KMT2C: variants seen among roughly 807,000 people sequenced by gnomAD.
KMT2C encodes histone-lysine N-methyltransferase 2C.
Under a neutral mutation model 507.9 loss-of-function variants are expected in KMT2C, and 88 were observed. That is an observed-to-expected ratio of 0.17 (90% confidence interval 0.15 to 0.21). KMT2C has a LOEUF of 0.21. Among genes scored for constraint, KMT2C ranks in the 10% least tolerant of loss-of-function variants. KMT2C has a pLI of 1.00. For missense variants in KMT2C, 4,954 were observed against 5,957.8 expected, an observed-to-expected ratio of 0.83 and a Z score of 5.55; for synonymous variants, 2,049 against 2,080.8, an observed-to-expected ratio of 0.98 and a Z score of 0.42.
intron 55 of KMT2C, among the ~76,000 whole-genome samples, chr7:152,141,547 T>TA (rs201057479): frequency 0.014 from 1,862 of 130,326 alleles, 31 homozygotes; most frequent in African/African-American, 0.045. Context: ...CATCTCTACT[T>TA]AAAAAAAAAA....
intron 2 of KMT2C, among the ~76,000 whole-genome samples, chr7:152,344,633 A>G (rs1307268111): frequency 6.6e-6 from 1 of 151,960 alleles, no homozygotes; most frequent in Non-Finnish European, 1.5e-5. Flanking sequence ...TCAAAAAAAA[A>G]AAGAGAGAAC....
Position 152,169,210 on chromosome 7 carries a change from G to A in KMT2C, c.9493C>T (p.Pro3165Ser). The A allele has an allele frequency of 6.2e-7, 1 of 1,601,860 alleles. No homozygotes were observed. The highest frequency in any genetic ancestry group is 2.2e-5 in the East Asian group (1 of 44,784). Residue 3165 changes from proline to serine, a missense_variant, in exon 41 of 59, where the codon CCA (proline) becomes TCA (serine). Physicochemically the swap from Pro to Ser is moderately conservative, Grantham distance 74. Coordinates refer to ENST00000262189, the MANE Select transcript of KMT2C (RefSeq NM_170606.3). ...ITHQISRPNP[P>S]NFGPGFVNDS... ...CTGACAAAGCCTGGACCAAAATTTG[G>A]AGGATTAGGCCTAGAAATCTGATGT...
intron 46 of KMT2C, 93 bp from the exon 47 acceptor site, chr7:152,154,538 A>G: frequency 9.5e-7 from 1 of 1,049,704 alleles, no homozygotes; most frequent in South Asian, 1.4e-5. Flanking sequence ...ATACAGCTGT[A>G]AGGATACTCT....
At chr7:152,429,448 C>T (rs1035043553) in intron 1 of KMT2C, among the ~76,000 whole-genome samples, 2 of 152,068 alleles carry the variant, frequency 1.3e-5, no homozygotes, top group Non-Finnish European at 1.5e-5. Context: ...TCAACTTGTG[C>T]TCTTAAGTCC....
chr7:152,283,126 G>A (rs971248689), intron 6 of KMT2C, among the ~76,000 whole-genome samples: 3 of 152,400 alleles, frequency 2.0e-5, no homozygotes, highest in Admixed American at 6.5e-5. Flanking sequence ...GCCAAAAGCA[G>A]AAAAGGGATA....
chr7:152,314,997 G>A, intron 4 of KMT2C, 141 bp downstream of exon 4: 4 of 672,318 alleles, frequency 5.9e-6, no homozygotes, highest in Non-Finnish European at 1.0e-5. Flanking sequence ...TTAATGGTGA[G>A]TCAGAGTATC....
chr7:152,145,109 C>T, intron 54 of KMT2C, 44 bp downstream of exon 54: 2 of 1,591,940 alleles, frequency 1.3e-6, no homozygotes, highest in Non-Finnish European at 1.7e-6. Context: ...CACTAATACG[C>T]CTAGAAACCC....
chr7:152,348,621 A>AAAAGAAAG (rs1203118324), intron 2 of KMT2C, among the ~76,000 whole-genome samples: 12 of 143,156 alleles, frequency 8.4e-5, no homozygotes, highest in African/African-American at 3.2e-4. Flanking sequence ...AAAAAAAAAA[A>AAAAGAAAG]AAAGAAAGAA....
chr7:152,244,627 T>G (rs1368207879), intron 14 of KMT2C, among the ~76,000 whole-genome samples: 1 of 152,240 alleles, frequency 6.6e-6, no homozygotes, highest in African/African-American at 2.4e-5. Flanking sequence ...ATTAGGACAA[T>G]TTGTATGAAA....
chr7:152,406,575 T>G (rs1455467617), intron 1 of KMT2C, among the ~76,000 whole-genome samples: 2,325 of 123,270 alleles, frequency 0.019, no homozygotes, highest in African/African-American at 0.04. Context: ...TGGAGTGCAG[T>G]AGTACAATCA....
chr7:152,163,958 G>A (rs1292554105), intron 42 of KMT2C, 132 bp from the exon 43 acceptor site: 8 of 759,214 alleles, frequency 1.1e-5, no homozygotes, highest in Non-Finnish European at 1.1e-5. Context: ...ATTTTGCTTG[G>A]GTAACTGCAA....
At chr7:152,164,320 C>T (rs1029214557) in intron 42 of KMT2C, among the ~76,000 whole-genome samples, 4 of 147,806 alleles carry the variant, frequency 2.7e-5, no homozygotes, top group East Asian at 4.0e-4. Context: ...GACGGAGTCT[C>T]GCTCTGTCGC....
intron 1 of KMT2C, among the ~76,000 whole-genome samples, chr7:152,417,859 G>A (rs897707276): frequency 6.6e-6 from 1 of 150,748 alleles, no homozygotes; most frequent in Non-Finnish European, 1.5e-5. Context: ...AGCCAGGATG[G>A]TCTCAATCTC....
intron 6 of KMT2C, among the ~76,000 whole-genome samples, chr7:152,299,027 T>C (rs1396485971): frequency 6.6e-6 from 1 of 152,090 alleles, no homozygotes; most frequent in Non-Finnish European, 1.5e-5. Context: ...GGAATCATAA[T>C]AAATAATGTA....
chr7:152,345,679 C>A (rs2097051679), intron 2 of KMT2C, among the ~76,000 whole-genome samples: 1 of 152,070 alleles, frequency 6.6e-6, no homozygotes, highest in Non-Finnish European at 1.5e-5. Flanking sequence ...CGCCACCATG[C>A]TCGGTTAATT....
intron 18 of KMT2C, among the ~76,000 whole-genome samples, chr7:152,228,595 A>G (rs1252141393): frequency 2.6e-5 from 4 of 152,188 alleles, no homozygotes; most frequent in South Asian, 2.1e-4. Flanking sequence ...TAATTGTCCA[A>G]TCTTAACTTA....
At chr7:152,160,077 G>A (rs2092352286) in intron 43 of KMT2C, among the ~76,000 whole-genome samples, 7 of 152,166 alleles carry the variant, frequency 4.6e-5, no homozygotes, top group Admixed American at 4.6e-4. Flanking sequence ...AATGAGCTTG[G>A]CTGCGTTCAA....
At chr7:152,320,589 T>A (rs534392943) in intron 3 of KMT2C, among the ~76,000 whole-genome samples, 16,531 of 151,856 alleles carry the variant, frequency 0.11, 2,186 homozygotes, top group African/African-American at 0.31. Flanking sequence ...AACCTGAGTT[T>A]CTCAGAACAA....
intron 5 of KMT2C, among the ~76,000 whole-genome samples, chr7:152,311,465 C>T (rs2096670933): frequency 6.6e-6 from 1 of 152,126 alleles, no homozygotes; most frequent in Admixed American, 6.5e-5. Context: ...AAAATAGACT[C>T]AGAATGCCAC....
Sources: gnomAD v4.1 joint callset for allele counts (sites outside exome capture counted in the v4.1 genomes callset) on GRCh38, gnomAD v4.1.1 for gene constraint, MANE v1.5 for transcripts, NCBI Gene and HGNC (gene_info 2026-07-23, HGNC 2026-07-21) for gene names.